The following MANBA variants were observed in gnomAD, a reference collection of about 807,000 sequenced individuals.
The protein encoded by MANBA is mannosidase beta.
Under a neutral mutation model 111.1 loss-of-function variants are expected in MANBA, and 83 were observed. The ratio of observed to expected loss-of-function variants is 0.75; its 90% confidence interval spans 0.63 to 0.90. The LOEUF (loss-of-function observed/expected upper bound fraction) is 0.90, where lower values mean the gene tolerates loss of function less well. Among genes scored for constraint, MANBA ranks in the 40% least tolerant of loss-of-function variants. The pLI is 0.00. For synonymous variants in MANBA, 370 were observed against 378.7 expected (o/e 0.98, Z 0.27); for missense variants, 1,036 against 1,069.0 (o/e 0.97, Z 0.43).
Position 102,657,708 on chromosome 4 carries a change from A to T in MANBA, c.1678T>A (p.Trp560Arg). The T allele has an allele frequency of 1.2e-6, 2 of 1,612,968 alleles. No homozygotes were observed. The highest frequency in any genetic ancestry group is 1.7e-6 in the Non-Finnish European group (2 of 1,178,944). The change falls in exon 12 of 17, where the codon TGG becomes AGG. Residue 560 changes from tryptophan (W) to arginine (R), a missense_variant. Coordinates refer to ENST00000647097, the MANE Select transcript of MANBA (RefSeq NM_005908.4). ...RFASEYGYQS[W>R]PSFSTLEKVS... ...TTTTCTAATGTACTGAAGGACGGCC[A>T]GGACTGATATCCATATTCAGATGCA...
intron 1 of MANBA, among the ~76,000 whole-genome samples, chr4:102,742,086 T>C (rs776196069): frequency 3.3e-5 from 5 of 152,160 alleles, no homozygotes; most frequent in African/African-American, 9.7e-5. Context: ...CTTATCTCCA[T>C]TGTGGAGCAG....
At chr4:102,737,527 G>C (rs1332232742) in intron 1 of MANBA, among the ~76,000 whole-genome samples, 1 of 151,882 alleles carries the variant, frequency 6.6e-6, no homozygotes, top group East Asian at 1.9e-4. Context: ...CTGTCACCCA[G>C]ACTGGAGTGC....
At chr4:102,633,991 G>A (rs2110187566) in intron 16 of MANBA, among the ~76,000 whole-genome samples, 1 of 152,210 alleles carries the variant, frequency 6.6e-6, no homozygotes, top group South Asian at 2.1e-4. Flanking sequence ...TGAAGTAAAA[G>A]TGTAAAACAA....
At chr4:102,741,647 A>G (rs1487884307) in intron 1 of MANBA, among the ~76,000 whole-genome samples, 2 of 152,232 alleles carry the variant, frequency 1.3e-5, no homozygotes, top group Non-Finnish European at 2.9e-5. Flanking sequence ...GTTGGAGACC[A>G]CTATTCTAAG....
intron 12 of MANBA, among the ~76,000 whole-genome samples, chr4:102,651,996 G>A (rs189444059): frequency 6.6e-6 from 1 of 151,932 alleles, no homozygotes; most frequent in Non-Finnish European, 1.5e-5. Flanking sequence ...ACACATTTAT[G>A]GGGTACCATG....
intron 1 of MANBA, 101 bp from the exon 2 acceptor site, chr4:102,726,784 C>G (rs1029540232): frequency 1.4e-6 from 1 of 715,142 alleles, no homozygotes; most frequent in Non-Finnish European, 2.5e-6. Context: ...TATTTATCAC[C>G]TAAAAATTAA....
At chr4:102,711,054 A>G (rs1218430634) in intron 5 of MANBA, among the ~76,000 whole-genome samples, 3 of 152,160 alleles carry the variant, frequency 2.0e-5, no homozygotes, top group Non-Finnish European at 4.4e-5. Context: ...ACATCGATCT[A>G]GACAAAGATT....
intron 4 of MANBA, among the ~76,000 whole-genome samples, chr4:102,716,070 G>A (rs771048937): frequency 1.3e-5 from 2 of 152,030 alleles, no homozygotes; most frequent in Non-Finnish European, 2.9e-5. Context: ...AACACTTTGG[G>A]AGGCCGAGGC....
At chr4:102,743,063 G>A (rs1018445749) in intron 1 of MANBA, among the ~76,000 whole-genome samples, 3 of 152,262 alleles carry the variant, frequency 2.0e-5, no homozygotes, top group Non-Finnish European at 4.4e-5. Context: ...AAGAGGCTGA[G>A]TGTTGTCCAC....
Position 102,671,266 on chromosome 4 carries a change from C to T in MANBA, c.1230+15G>A, listed in dbSNP as rs1423204909. On this transcript the variant is annotated intron_variant, in intron 9 of 16. Coordinates refer to ENST00000647097, the MANE Select transcript of MANBA (RefSeq NM_005908.4). ...TAGTAACTTATCAATATATAAAATG[C>T]TATCAACTTCTCACCATTATTCCTA... The T allele has an allele frequency of 7.7e-6, 11 of 1,423,858 alleles. No homozygotes were observed. Among genetic ancestry groups the T allele is most frequent in the African/African-American group, 7.0e-5 (5 of 70,998 alleles). The allele number at this position is 1,423,858 out of a possible 1,614,324, so 88.2% of individuals were successfully genotyped here.
chr4:102,664,585 G>T lies in MANBA; in HGVS notation c.1485+100C>A. The T allele has an allele frequency of 3.9e-6, 4 of 1,027,260 alleles. 1 individual carries two copies. Among genetic ancestry groups the T allele is most frequent in the Non-Finnish European group, 6.1e-6 (4 of 656,640 alleles). The allele number at this position is 1,027,260 out of a possible 1,614,324, so 63.6% of individuals were successfully genotyped here. A position where few individuals can be genotyped will look rare whatever the true frequency, so the allele number is the denominator to read the frequency against. ...GATCTCCTGACCTTGTGATCCGCCC[G>T]CCTCAGCCTCCCAAAGTGCTGGGAT... On this transcript the variant is annotated intron_variant, in intron 11 of 16. Transcript: ENST00000647097.
At chr4:102,695,946 G>A (rs547148662) in intron 5 of MANBA, among the ~76,000 whole-genome samples, 2 of 152,080 alleles carry the variant, frequency 1.3e-5, no homozygotes, top group Admixed American at 6.6e-5. Context: ...TACTGAAATG[G>A]GCAGGGTGTA....
chr4:102,732,729 A>G (rs1056222739), intron 1 of MANBA, among the ~76,000 whole-genome samples: 3 of 152,228 alleles, frequency 2.0e-5, no homozygotes, highest in Non-Finnish European at 2.9e-5. Context: ...TCTCCCACAC[A>G]GGACTCGGCC....
At chr4:102,663,910 A>C (rs1208740765) in intron 11 of MANBA, among the ~76,000 whole-genome samples, 1 of 152,248 alleles carries the variant, frequency 6.6e-6, no homozygotes, top group African/African-American at 2.4e-5. Context: ...AGTGGTGCAA[A>C]GAGAACCACT....
intron 14 of MANBA, among the ~76,000 whole-genome samples, chr4:102,638,016 G>A (rs774690329): frequency 2.1e-4 from 32 of 152,214 alleles, no homozygotes; most frequent in Admixed American, 1.7e-3. Context: ...GAGGGCACTC[G>A]CATGGTGTCC....
chr4:102,720,025 G>C (rs1350601198), intron 4 of MANBA, among the ~76,000 whole-genome samples: 1 of 152,220 alleles, frequency 6.6e-6, no homozygotes, highest in Non-Finnish European at 1.5e-5. Context: ...TGAATAGAGG[G>C]TGGAGCAAAA....
intron 1 of MANBA, chr4:102,751,535 T>C: frequency 3.8e-6 from 2 of 532,898 alleles, no homozygotes; most frequent in Admixed American, 2.0e-5. Context: ...AGGACAAAAA[T>C]GAGTTCCACA....
At chr4:102,637,004 G>C (rs566977466) in intron 14 of MANBA, among the ~76,000 whole-genome samples, 1 of 152,182 alleles carries the variant, frequency 6.6e-6, no homozygotes, top group Non-Finnish European at 1.5e-5. Flanking sequence ...AGTCTCACGA[G>C]ATCTGATCGT....
intron 8 of MANBA, 135 bp downstream of exon 8, chr4:102,673,784 G>T: frequency 2.5e-6 from 2 of 801,146 alleles, no homozygotes; most frequent in Non-Finnish European, 4.1e-6. Context: ...CCATTCTGAA[G>T]TTTCCATCGT....
Sources: allele counts gnomAD v4.1 joint callset (sites outside exome capture counted in the v4.1 genomes callset), GRCh38; gene constraint gnomAD v4.1.1; transcripts MANE v1.5; gene names NCBI Gene and HGNC (gene_info 2026-07-23, HGNC 2026-07-21).